Variants in DCP1A observed in about 807,000 individuals in gnomAD.
DCP1A encodes the protein decapping mRNA 1A, also known as mRNA-decapping enzyme 1A.
DCP1A carries 20 observed loss-of-function variants against 58.0 expected under a neutral mutation model. That is an observed-to-expected ratio of 0.34 (90% CI 0.24 to 0.50). The LOEUF (loss-of-function observed/expected upper bound fraction) is 0.50. Among genes scored for constraint, DCP1A ranks in the 20% least tolerant of loss-of-function variants. The pLI is 0.98. For missense variants in DCP1A, 613 were observed against 712.2 expected (o/e 0.86, Z 1.59); for synonymous variants, 285 against 275.1 (o/e 1.04, Z -0.36).
rs782485636 is a variant in DCP1A, at chr3:53,285,222, T to A, written c.*2358A>T. On this transcript the variant is annotated 3_prime_UTR_variant, in exon 10 of 10. Transcript: ENST00000610213. ...ATCTCCATCTCGGTGTCCATTTCGA[T>A]CCAACTAAGCTTCCAGTAAAGACAC... is the stretch of plus-strand genomic sequence containing the variant. 1 of 151,966 alleles carries A rather than the reference T, an allele frequency of 6.6e-6. No individual in the cohort carries two copies. The highest frequency in any genetic ancestry group is 1.5e-5 in the Non-Finnish European group (1 of 67,982). The allele number at this position is 151,966 out of a possible 1,614,324, so 9.4% of individuals were successfully genotyped here.
chr3:53,293,915 G>GC (rs553701175), intron 6 of DCP1A, among the ~76,000 whole-genome samples: 120 of 152,080 alleles, frequency 7.9e-4, no homozygotes, highest in Admixed American at 1.4e-3. Flanking sequence ...ACTGGTAAGG[G>GC]CCCCCCCACC....
chr3:53,341,180 C>G (rs181456890), intron 3 of DCP1A, among the ~76,000 whole-genome samples: 296 of 151,858 alleles, frequency 1.9e-3, no homozygotes, highest in African/African-American at 5.0e-3. Context: ...TCTGGCCGGG[C>G]GTGGTGGCTC....
intron 3 of DCP1A, among the ~76,000 whole-genome samples, chr3:53,326,700 C>A (rs934152735): frequency 6.6e-6 from 1 of 152,218 alleles, no homozygotes; most frequent in African/African-American, 2.4e-5. Context: ...TCTTCCATCA[C>A]CTCCAGATGG....
intron 3 of DCP1A, among the ~76,000 whole-genome samples, chr3:53,325,404 G>T (rs1708080147): frequency 6.6e-6 from 1 of 152,094 alleles, no homozygotes; most frequent in African/African-American, 2.4e-5. Context: ...ATGGTGCCAA[G>T]CAAAAAGGTG....
At chr3:53,344,969 T>C (rs782633656) in intron 1 of DCP1A, 27 bp from the exon 2 acceptor site, 1 of 1,588,964 alleles carries the variant, frequency 6.3e-7, no homozygotes, top group South Asian at 1.1e-5. Context: ...CTCAATTAGT[T>C]TTTTTTCCCC....
intron 2 of DCP1A, among the ~76,000 whole-genome samples, chr3:53,342,532 C>CTGG (rs2089223656): frequency 6.6e-6 from 1 of 152,224 alleles, no homozygotes; most frequent in Admixed American, 6.5e-5. Context: ...ACTCCCCACT[C>CTGG]TGACTTCATT....
At chr3:53,318,541 T>G (rs528389562) in intron 4 of DCP1A, among the ~76,000 whole-genome samples, 1 of 152,012 alleles carries the variant, frequency 6.6e-6, no homozygotes, top group Admixed American at 6.6e-5. Flanking sequence ...TATTATAGCA[T>G]TTTGCCCAGA....
chr3:53,308,984 C>T (rs116066263), intron 5 of DCP1A, among the ~76,000 whole-genome samples: 6 of 152,034 alleles, frequency 3.9e-5, no homozygotes, highest in African/African-American at 1.5e-4. Context: ...ACCATCCGCA[C>T]CCCCCTGACC....
intron 1 of DCP1A, 93 bp downstream of exon 1, chr3:53,347,290 T>A: frequency 2.2e-6 from 3 of 1,369,766 alleles, no homozygotes; most frequent in Non-Finnish European, 2.8e-6. Flanking sequence ...CCCTGGCCTC[T>A]TAGTGTGCCC....
chr3:53,287,963 G>T, intron 9 of DCP1A, 102 bp downstream of exon 9: 1 of 1,206,294 alleles, frequency 8.3e-7, no homozygotes, highest in Non-Finnish European at 1.1e-6. Context: ...CCTCCAGCTA[G>T]TCTTTTGAAT....
chr3:53,335,886 G>A (rs1379537075), intron 3 of DCP1A, among the ~76,000 whole-genome samples: 7 of 151,720 alleles, frequency 4.6e-5, no homozygotes, highest in South Asian at 2.1e-4. Context: ...GCGCAGTGGC[G>A]TGATCATGGC....
At chr3:53,322,949 A>G (rs1553690166) in intron 3 of DCP1A, among the ~76,000 whole-genome samples, 1 of 151,328 alleles carries the variant, frequency 6.6e-6, no homozygotes, top group Non-Finnish European at 1.5e-5. Context: ...CTGGGATTAC[A>G]GGCGCCCGGG....
intron 3 of DCP1A, among the ~76,000 whole-genome samples, chr3:53,341,124 T>TAA (rs373114341): frequency 6.8e-6 from 1 of 146,238 alleles, no homozygotes; most frequent in African/African-American, 2.5e-5. Flanking sequence ...ATAAATATCT[T>TAA]AAAAAAAAAA....
rs75788626 is a variant in DCP1A, at chr3:53,332,145, A to C, written c.304+9999T>G. Among the ~76,000 whole-genome samples, 2,031 of 152,326 alleles carry C rather than the reference A, an allele frequency of 0.013. 118 individuals are homozygous for C. In the South Asian group the frequency reaches 0.14, roughly 11 times the overall value. ...TGGAGACAAGTTTCCCTTGAAGATT[A>C]GACCAGAAGTGTATGAACCCCATAG... On this transcript the variant is annotated intron_variant, in intron 3 of 9. Coordinates refer to ENST00000610213, the MANE Select transcript of DCP1A (RefSeq NM_018403.7).
intron 5 of DCP1A, among the ~76,000 whole-genome samples, chr3:53,307,701 A>T (rs1707517223): frequency 6.6e-6 from 1 of 152,206 alleles, no homozygotes; most frequent in Non-Finnish European, 1.5e-5. Flanking sequence ...AACCTGCTGG[A>T]GGGTGATTTT....
chr3:53,301,815 A>G (rs1383960378), intron 6 of DCP1A, among the ~76,000 whole-genome samples: 1 of 152,226 alleles, frequency 6.6e-6, no homozygotes, highest in African/African-American at 2.4e-5. Flanking sequence ...ACTTCAGTGA[A>G]ATGTTCAGGA....
At chr3:53,316,196 G>A (rs1004868355) in intron 4 of DCP1A, among the ~76,000 whole-genome samples, 3 of 152,166 alleles carry the variant, frequency 2.0e-5, no homozygotes, top group South Asian at 2.1e-4. Flanking sequence ...AACTGTGCTA[G>A]TATTTTTGGA....
In DCP1A at chr3:53,287,389, G is replaced by A. The variant is rs1553685257; in HGVS notation, c.*191C>T. The A allele has an allele frequency of 3.8e-6, 1 of 260,910 alleles. No homozygotes were observed. The highest frequency in any genetic ancestry group is 6.2e-5 in the East Asian group (1 of 16,214). The allele number at this position is 260,910 out of a possible 1,614,324, so 16.2% of individuals were successfully genotyped here. A position where few individuals can be genotyped will look rare whatever the true frequency, so the allele number is the denominator to read the frequency against. ...TTTTTTGTCAAAACAAGGATCTGCT[G>A]GTGATGCTTCACAGTGAAACCTCCA... On this transcript the variant is annotated 3_prime_UTR_variant, in exon 10 of 10. Transcript: ENST00000610213.
intron 6 of DCP1A, among the ~76,000 whole-genome samples, chr3:53,294,590 C>A (rs781844885): frequency 6.6e-6 from 1 of 152,216 alleles, no homozygotes; most frequent in Admixed American, 6.5e-5. Flanking sequence ...TAATACAAGT[C>A]AAGGGAGCAA....
Sources: allele counts gnomAD v4.1 joint callset (sites outside exome capture counted in the v4.1 genomes callset), GRCh38; gene constraint gnomAD v4.1.1; transcripts MANE v1.5; gene names NCBI Gene and HGNC (gene_info 2026-07-23, HGNC 2026-07-21).